TRDN: variants seen among roughly 807,000 people sequenced by gnomAD.
The protein encoded by TRDN is triadin, also known as triadin in skeletal muscle.
TRDN carries 161 observed loss-of-function variants against 149.7 expected under a neutral mutation model. The ratio of observed to expected loss-of-function variants is 1.08; its 90% CI spans 0.95 to 1.23. TRDN has a LOEUF of 1.23. TRDN is among the 50% of genes most tolerant of loss of function. The pLI is 0.00. For synonymous variants in TRDN, 294 were observed against 250.5 expected (o/e 1.17, Z -1.64); for missense variants, 896 against 823.5 (o/e 1.09, Z -1.08).
chr6:123,243,295 C>T (rs985277412), intron 38 of TRDN, among the ~76,000 whole-genome samples: 2 of 152,050 alleles, frequency 1.3e-5, no homozygotes, highest in Non-Finnish European at 2.9e-5. Flanking sequence ...GAAGGCAGGC[C>T]ATTTTCACAC....
chr6:123,384,892 T>C (rs1004391034), intron 14 of TRDN, among the ~76,000 whole-genome samples: 3 of 152,182 alleles, frequency 2.0e-5, no homozygotes, highest in African/African-American at 2.4e-5. Context: ...TTCATGCTAT[T>C]AAACTTCATT....
At chr6:123,326,228 TG>T (rs570353691) in intron 23 of TRDN, among the ~76,000 whole-genome samples, 59 of 152,256 alleles carry the variant, frequency 3.9e-4, no homozygotes, top group African/African-American at 1.4e-3. Context: ...GGTTCACAAG[TG>T]TATCTCCAAC....
At chr6:123,464,707 A>G (rs1583080895) in intron 10 of TRDN, 199 bp downstream of exon 10, 1 of 1,364,380 alleles carries the variant, frequency 7.3e-7, no homozygotes, top group African/African-American at 1.5e-5. Flanking sequence ...GGTCACCAAT[A>G]TAGAATCTTA....
chr6:123,412,320 A>G (rs1186746448), intron 12 of TRDN, among the ~76,000 whole-genome samples: 1 of 152,246 alleles, frequency 6.6e-6, no homozygotes, highest in Non-Finnish European at 1.5e-5. Context: ...ATGGCAGCCA[A>G]TAACTGTATT....
Position 123,425,232 on chromosome 6 carries a change from GGTGTGTGTGTGTGTGT to G in TRDN, c.1051+12815_1051+12830del, listed in dbSNP as rs60065532. Among the ~76,000 whole-genome samples, 191 of 138,830 alleles carry G rather than the reference GGTGTGTGTGTGTGTGT, an allele frequency of 1.4e-3. 1 individual carries two copies. In the Middle Eastern group the frequency reaches 0.014, roughly 10 times the overall value. The allele number at this position is 138,830 out of a possible 152,430, so 91.1% of individuals were successfully genotyped here. On this transcript the variant is annotated intron_variant, in intron 12 of 40. Transcript: ENST00000334268. ...GCATAGAGCCACATTCAGAGGTAGA[GGTGTGTGTGTGTGTGT>G]GTGTGTGTGTGTGTGTGTGTGTGTG...
intron 12 of TRDN, among the ~76,000 whole-genome samples, chr6:123,425,047 T>C (rs951561929): frequency 5.3e-5 from 8 of 151,912 alleles, no homozygotes; most frequent in Non-Finnish European, 1.5e-5. Context: ...TTCATAAAGG[T>C]AGTGAGGAAA....
chr6:123,255,012 T>C (rs917704042), intron 37 of TRDN, 69 bp downstream of exon 37: 10 of 904,914 alleles, frequency 1.1e-5, no homozygotes, highest in Middle Eastern at 2.2e-4. Flanking sequence ...TAATTTAATA[T>C]TAATATTAAG....
intron 27 of TRDN, 128 bp downstream of exon 27, chr6:123,274,513 T>C: frequency 4.0e-6 from 3 of 745,300 alleles, no homozygotes; most frequent in Non-Finnish European, 4.2e-6. Context: ...AGCAATGGAG[T>C]TGACAAAATA....
chr6:123,271,061 G>T (rs1188675387), intron 30 of TRDN, 78 bp downstream of exon 30: 1 of 771,866 alleles, frequency 1.3e-6, no homozygotes, highest in Non-Finnish European at 2.0e-6. Flanking sequence ...GTGTGTGTGT[G>T]TGTCTGCATG....
chr6:123,218,815 C>T, intron 40 of TRDN, 75 bp from the exon 41 acceptor site: 2 of 1,447,614 alleles, frequency 1.4e-6, no homozygotes, highest in Non-Finnish European at 9.3e-7. Context: ...CAGTGCAGTG[C>T]AGCAGATAAG....
chr6:123,414,367 G>T (rs530200279), intron 12 of TRDN, among the ~76,000 whole-genome samples: 1 of 152,150 alleles, frequency 6.6e-6, no homozygotes, highest in East Asian at 1.9e-4. Flanking sequence ...AAATATGTGA[G>T]TTATAGGAAT....
At chr6:123,458,665 C>T (rs1028266950) in intron 10 of TRDN, among the ~76,000 whole-genome samples, 4 of 152,152 alleles carry the variant, frequency 2.6e-5, no homozygotes, top group Non-Finnish European at 5.9e-5. Context: ...TTTTGTTTCT[C>T]TGGAGAATGC....
At chr6:123,338,777 A>G (rs1481676931) in intron 21 of TRDN, among the ~76,000 whole-genome samples, 1 of 152,224 alleles carries the variant, frequency 6.6e-6, no homozygotes, top group Non-Finnish European at 1.5e-5. Context: ...GTATGTAGAA[A>G]TAGTTGTGAA....
At chr6:123,557,268 G>A (rs976389674) in intron 2 of TRDN, among the ~76,000 whole-genome samples, 5 of 152,062 alleles carry the variant, frequency 3.3e-5, no homozygotes, top group Non-Finnish European at 1.5e-5. Context: ...TGTGAAATTT[G>A]GTGCCGTGAC....
At chr6:123,438,752 T>C (rs1427324711) in intron 11 of TRDN, among the ~76,000 whole-genome samples, 192 bp downstream of exon 11, 2 of 152,182 alleles carry the variant, frequency 1.3e-5, no homozygotes, top group Non-Finnish European at 2.9e-5. Context: ...GTGTTTAGGA[T>C]TGAATTCTCT....
intron 12 of TRDN, among the ~76,000 whole-genome samples, chr6:123,400,373 A>G (rs1008189023): frequency 3.3e-5 from 5 of 151,976 alleles, no homozygotes; most frequent in Non-Finnish European, 7.4e-5. Flanking sequence ...TTATGCTCAC[A>G]GGGACAGTGG....
chr6:123,560,252 C>G (rs531865377), intron 2 of TRDN, among the ~76,000 whole-genome samples: 1 of 152,196 alleles, frequency 6.6e-6, no homozygotes, highest in South Asian at 2.1e-4. Context: ...ACTTTCTGCC[C>G]CCTCCACTAC....
chr6:123,431,154 CATCT>C (rs1774324906), intron 12 of TRDN, among the ~76,000 whole-genome samples: 1 of 152,192 alleles, frequency 6.6e-6, no homozygotes, highest in Non-Finnish European at 1.5e-5. Context: ...AAGACGCTGT[CATCT>C]GAACGCAGAT....
At chr6:123,455,406 C>CTGTGTGTGTG (rs71751722) in intron 10 of TRDN, among the ~76,000 whole-genome samples, 165 of 145,738 alleles carry the variant, frequency 1.1e-3, no homozygotes, top group African/African-American at 3.5e-3. Flanking sequence ...AAGGCAACCA[C>CTGTGTGTGTG]TGTGTGTGTG....
Sources: gnomAD v4.1 joint callset for allele counts (sites outside exome capture counted in the v4.1 genomes callset) on GRCh38, gnomAD v4.1.1 for gene constraint, MANE v1.5 for transcripts, NCBI Gene and HGNC (gene_info 2026-07-23, HGNC 2026-07-21) for gene names.